Variants in HIVEP3 observed in about 807,000 individuals in gnomAD.
HIVEP3 encodes the protein transcription factor HIVEP3.
In HIVEP3, 49 loss-of-function variants were observed where a neutral mutation model predicts 152.8. That is an observed-to-expected ratio of 0.32 (90% CI 0.26 to 0.41). The LOEUF is 0.41. Among genes scored for constraint, HIVEP3 ranks in the 10% least tolerant of loss-of-function variants. HIVEP3 has a pLI of 1.00. For synonymous variants in HIVEP3, 1,269 were observed against 1,289.0 expected (o/e 0.98, Z 0.33); for missense variants, 2,790 against 3,103.3 (o/e 0.90, Z 2.40).
rs1646225902 is a variant in HIVEP3, at chr1:41,693,403, C to CA, written c.-721+7512_-721+7513insT. Among the ~76,000 whole-genome samples the CA allele has an allele frequency of 2.6e-5, 4 of 152,296 alleles. No homozygotes were observed. In the South Asian group the frequency reaches 8.3e-4, roughly 32 times the overall value. On this transcript the variant is annotated intron_variant, in intron 2 of 8. Transcript: ENST00000372583. ...GACACTTTGATTGTTTAATGTGTCT[C>CA]CTTTGCCCCTGGGTGATGACTCTTC...
At chr1:41,559,878 T>A (rs1246085169) in intron 5 of HIVEP3, among the ~76,000 whole-genome samples, 2 of 152,274 alleles carry the variant, frequency 1.3e-5, no homozygotes, top group Admixed American at 6.5e-5. Context: ...ATAGGTAGCA[T>A]CTTGGTTAAT....
At chr1:41,635,927 T>C (rs1288104121) in intron 2 of HIVEP3, among the ~76,000 whole-genome samples, 4 of 152,120 alleles carry the variant, frequency 2.6e-5, no homozygotes, top group African/African-American at 4.8e-5. Context: ...CTAATAACTA[T>C]AGAAGAAACT....
intron 1 of HIVEP3, among the ~76,000 whole-genome samples, chr1:41,713,075 A>G (rs1279407020): frequency 6.6e-6 from 1 of 152,232 alleles, no homozygotes; most frequent in African/African-American, 2.4e-5. Context: ...ATGCTGGGCC[A>G]TTCTCACAGA....
At chr1:41,553,112 A>G (rs1643914157) in intron 5 of HIVEP3, among the ~76,000 whole-genome samples, 1 of 152,164 alleles carries the variant, frequency 6.6e-6, no homozygotes, top group Non-Finnish European at 1.5e-5. Flanking sequence ...AAAGTCTCTC[A>G]TTATTATTGT....
chr1:41,510,928 C>T lies in HIVEP3; in HGVS notation c.6744G>A (p.Glu2248=). Residue 2248 remains glutamate, a synonymous_variant, in exon 9 of 9, where the codon GAG becomes GAA. Transcript: ENST00000372583. The stretch of plus-strand genomic sequence containing the variant: ...CAGGCGACACGGAGGCTGACGAGCT[C>T]TCAGTGGGACTCCAGCGGCCTCGCT... ...AQERGRWSPT[E]SSSASVSPVA... 6.2e-7 allele frequency: 1 copy of T among 1,613,610 alleles called. No individual in the cohort carries two copies.
At chr1:41,683,635 AGG>A (rs1317971787) in intron 2 of HIVEP3, among the ~76,000 whole-genome samples, 15 of 152,192 alleles carry the variant, frequency 9.9e-5, no homozygotes, top group Non-Finnish European at 1.2e-4. Flanking sequence ...GGAGGCTGGG[AGG>A]AAGCCCACAA....
rs185235689 is a variant in HIVEP3, at chr1:41,841,581, C to A, written c.-801+76832G>T. ...TTTAAAATGGGGGAGAGGGGAACGG[C>A]CTGTGTGCTGTTCTTCCAGAAGCTG... On this transcript the variant is annotated intron_variant, in intron 1 of 8. Transcript: ENST00000372583. Among the ~76,000 whole-genome samples, 4 of 152,304 alleles carry A rather than the reference C, an allele frequency of 2.6e-5. No individual in the cohort carries two copies. The East Asian group carries it at 7.7e-4, about 29-fold the overall frequency.
rs565165226 is a variant in HIVEP3, at chr1:41,818,363, C to T, written c.-801+100050G>A. ...TCTTCGTGTCCTGCTGGTGGGAGTTCAAATGGATTCAGCCGTTCTGGAAAA... is the reference window on the plus strand; with the variant it reads ...TCTTCGTGTCCTGCTGGTGGGAGTTTAAATGGATTCAGCCGTTCTGGAAAA... On this transcript the variant is annotated intron_variant, in intron 1 of 8. Coordinates refer to ENST00000372583, the MANE Select transcript of HIVEP3 (RefSeq NM_024503.5). Among the ~76,000 whole-genome samples the T allele has an allele frequency of 2.6e-5, 4 of 152,264 alleles. No individual in the cohort carries two copies. In the South Asian group the frequency reaches 8.3e-4, roughly 32 times the overall value.
intron 1 of HIVEP3, among the ~76,000 whole-genome samples, chr1:41,770,814 GAT>G (rs1469770199): frequency 1.3e-5 from 2 of 151,754 alleles, no homozygotes; most frequent in Admixed American, 1.3e-4. Flanking sequence ...TCCTGGATTG[GAT>G]CCTGTTCCGG....
At chr1:41,636,339 C>T (rs1645273027) in intron 2 of HIVEP3, among the ~76,000 whole-genome samples, 1 of 152,102 alleles carries the variant, frequency 6.6e-6, no homozygotes, top group Admixed American at 6.5e-5. Context: ...TATAAACATC[C>T]TATAAAAGCA....
At chr1:41,512,395 T>C (rs1300192780) in intron 8 of HIVEP3, among the ~76,000 whole-genome samples, 2 of 152,314 alleles carry the variant, frequency 1.3e-5, no homozygotes, top group African/African-American at 2.4e-5. Flanking sequence ...CCTTCTGCCA[T>C]GAGTAAAAGC....
chr1:41,618,616 C>T (rs80026041), intron 3 of HIVEP3, among the ~76,000 whole-genome samples: 2,287 of 151,680 alleles, frequency 0.015, 67 homozygotes, highest in African/African-American at 0.052. Context: ...TGGTCTAAGT[C>T]CTTTCTTAAG....
At chr1:41,868,062 CA>C (rs1434151950) in intron 1 of HIVEP3, among the ~76,000 whole-genome samples, 1 of 152,132 alleles carries the variant, frequency 6.6e-6, no homozygotes, top group Admixed American at 6.5e-5. Context: ...AACTGGCCCG[CA>C]TGGCCACCTG....
chr1:41,745,126 A>G (rs1461180312), intron 1 of HIVEP3, among the ~76,000 whole-genome samples: 1 of 152,190 alleles, frequency 6.6e-6, no homozygotes, highest in Non-Finnish European at 1.5e-5. Context: ...TTTGGGCCCA[A>G]ATGACTCAGA....
chr1:41,736,316 A>G (rs951642541), intron 1 of HIVEP3, among the ~76,000 whole-genome samples: 4 of 152,188 alleles, frequency 2.6e-5, no homozygotes, highest in African/African-American at 9.7e-5. Flanking sequence ...TGGCAGGTGC[A>G]TTCTCTGTCC....
intron 1 of HIVEP3, among the ~76,000 whole-genome samples, chr1:41,942,755 T>G (rs1279654515): frequency 6.6e-6 from 1 of 152,192 alleles, no homozygotes; most frequent in Non-Finnish European, 1.5e-5. Context: ...ATATGAATAA[T>G]TCTCAGACAC....
intron 4 of HIVEP3, among the ~76,000 whole-genome samples, chr1:41,577,285 TA>T (rs1254627264): frequency 6.6e-6 from 1 of 152,242 alleles, no homozygotes; most frequent in Non-Finnish European, 1.5e-5. Context: ...CCGCATGTCT[TA>T]ACTCATTTAA....
intron 1 of HIVEP3, among the ~76,000 whole-genome samples, chr1:41,804,702 AT>A (rs1650499272): frequency 6.6e-6 from 1 of 152,208 alleles, no homozygotes; most frequent in East Asian, 1.9e-4. Flanking sequence ...ATTCATAACA[AT>A]TTATCCTCTA....
At chr1:42,009,646 A>G (rs960679079) in intron 1 of HIVEP3, among the ~76,000 whole-genome samples, 2 of 152,178 alleles carry the variant, frequency 1.3e-5, no homozygotes, top group Admixed American at 6.6e-5. Context: ...TTCCCAGAGT[A>G]TTGAAATTCA....
Sources: gnomAD v4.1 joint callset for allele counts (sites outside exome capture counted in the v4.1 genomes callset) on GRCh38, gnomAD v4.1.1 for gene constraint, MANE v1.5 for transcripts, NCBI Gene and HGNC (gene_info 2026-07-23, HGNC 2026-07-21) for gene names.